Variants in MAD1L1 observed in about 807,000 individuals in gnomAD.
MAD1L1 encodes mitotic arrest deficient 1 like 1.
A neutral mutation model predicts 96.9 loss-of-function variants in MAD1L1; 95 were observed. The observed-to-expected ratio is 0.98, with a 90% CI of 0.83 to 1.16. MAD1L1 has a LOEUF of 1.16. Ranked by LOEUF, MAD1L1 falls within the 50% of genes most tolerant of loss-of-function variation. The probability of loss-of-function intolerance (pLI) is 0.00; values close to 1 mark genes in which losing one functional copy is unlikely to be tolerated. For missense variants in MAD1L1, 1,007 were observed against 954.4 expected, an observed-to-expected ratio of 1.06 and a Z score of -0.73; for synonymous variants, 473 against 396.6, an observed-to-expected ratio of 1.19 and a Z score of -2.29.
intron 17 of MAD1L1, among the ~76,000 whole-genome samples, chr7:1,921,215 G>A (rs926221935): frequency 5.9e-5 from 9 of 152,360 alleles, no homozygotes; most frequent in Non-Finnish European, 8.8e-5. Context: ...AGACACAGAC[G>A]CTGGAAAGCC....
At chr7:1,925,499 C>T (rs1384196567) in intron 17 of MAD1L1, among the ~76,000 whole-genome samples, 1 of 152,182 alleles carries the variant, frequency 6.6e-6, no homozygotes, top group Non-Finnish European at 1.5e-5. Context: ...TCCTGAGGCG[C>T]CATCACATGG....
chr7:1,922,174 C>T (rs903502762), intron 17 of MAD1L1, among the ~76,000 whole-genome samples: 1 of 152,232 alleles, frequency 6.6e-6, no homozygotes, highest in Non-Finnish European at 1.5e-5. Context: ...CTAGCATCAC[C>T]AGCCCAGCGG....
rs529006355 is a variant in MAD1L1 at position 2,146,713 on chromosome 7, G to A, written c.1073+2439C>T. On this transcript the variant is annotated intron_variant, in intron 11 of 18. Transcript: ENST00000265854. This position sits in a 1 kb window ranked among gnomAD's most constrained non-coding sequence, Gnocchi z 6.2. ...AGGCCCGCCTGGCAAAGCCCTCGGG[G>A]ATCTGGGCCACCGTGGCCTCCCATC... Among the ~76,000 whole-genome samples the A allele has an allele frequency of 2.2e-4, 33 of 152,316 alleles. No homozygotes were observed. Among genetic ancestry groups the A allele is most frequent in the Admixed American group, 9.1e-4 (14 of 15,308 alleles).
chr7:2,009,987 G>A (rs1306937400), intron 13 of MAD1L1, among the ~76,000 whole-genome samples: 1 of 151,664 alleles, frequency 6.6e-6, no homozygotes, highest in African/African-American at 2.4e-5. Context: ...TGGCCACACA[G>A]CAGAGGCTCC....
At position 2,006,955 on chromosome 7, in the gene MAD1L1, G is replaced by A. The variant is rs138197565; in HGVS notation, c.1360-4834C>T. ...AGTGGGATTCCTGCGAGGGAGGGCA[G>A]GCAGCTCAGAGCTCAGAGCCGCGGG... is the stretch of plus-strand genomic sequence containing the variant. On this transcript the variant is annotated intron_variant, in intron 13 of 18. Transcript: ENST00000265854. Among the ~76,000 whole-genome samples, 304 of 152,296 alleles carry A rather than the reference G, an allele frequency of 2.0e-3. 3 individuals are homozygous for A. Among genetic ancestry groups the A allele is most frequent in the African/African-American group, 7.1e-3 (296 of 41,560 alleles).
intron 18 of MAD1L1, among the ~76,000 whole-genome samples, chr7:1,821,621 G>A (rs1206996647): frequency 2.0e-5 from 3 of 152,192 alleles, no homozygotes; most frequent in Admixed American, 6.5e-5. Context: ...GTACAACGAC[G>A]GCTAGTTCAA....
At chr7:2,050,314 C>T (rs184312652) in intron 12 of MAD1L1, among the ~76,000 whole-genome samples, 1 of 152,356 alleles carries the variant, frequency 6.6e-6, no homozygotes, top group Admixed American at 6.5e-5. Context: ...AACCAGAGAC[C>T]AGGATGGAAC....
At chr7:1,906,879 G>A (rs1422412044) in intron 17 of MAD1L1, among the ~76,000 whole-genome samples, 6 of 152,214 alleles carry the variant, frequency 3.9e-5, no homozygotes, top group Non-Finnish European at 7.4e-5. Flanking sequence ...CACGCCTACT[G>A]CTGAACGTCC....
At chr7:1,961,013 C>T (rs1779929193) in intron 15 of MAD1L1, among the ~76,000 whole-genome samples, 1 of 152,150 alleles carries the variant, frequency 6.6e-6, no homozygotes, top group Non-Finnish European at 1.5e-5. Flanking sequence ...CAAAAGCATC[C>T]AACACCATGA....
In MAD1L1 at chr7:2,088,333, C is replaced by G. The variant is rs576501217; in HGVS notation, c.1074-18995G>C. Among the ~76,000 whole-genome samples the G allele has an allele frequency of 1.3e-5, 2 of 152,334 alleles. No homozygotes were observed. The highest frequency in any genetic ancestry group is 4.1e-4 in the South Asian group (2 of 4,830). On this transcript the variant is annotated intron_variant, in intron 11 of 18. Coordinates refer to ENST00000265854, the MANE Select transcript of MAD1L1 (RefSeq NM_001013836.2). This position sits in a 1 kb window ranked among gnomAD's most constrained non-coding sequence, Gnocchi z 4.4. ...CATCTGGTTACCAGCACGGTGGTCTCGTGCTACCCTGGTTCCGTGTCGGCG... is the reference window on the plus strand; with the variant it reads ...CATCTGGTTACCAGCACGGTGGTCTGGTGCTACCCTGGTTCCGTGTCGGCG...
chr7:1,866,790 C>T (rs1477672261), intron 18 of MAD1L1, among the ~76,000 whole-genome samples: 1 of 152,178 alleles, frequency 6.6e-6, no homozygotes, highest in Admixed American at 6.5e-5. Flanking sequence ...GAGGGTGTAC[C>T]ATGACTGGGG....
rs1254810866 is a variant in MAD1L1 at position 1,904,923 on chromosome 7, G to C, written c.1808-6533C>G. ...AAGGATGCAGTCGCCTATGGAAGACGTTCTTGTGGAACTCATGATTGATGA... is the reference window on the plus strand; with the variant it reads ...AAGGATGCAGTCGCCTATGGAAGACCTTCTTGTGGAACTCATGATTGATGA... On this transcript the variant is annotated intron_variant, in intron 17 of 18. Transcript: ENST00000265854. Among the ~76,000 whole-genome samples the C allele has an allele frequency of 2.2e-5, 2 of 91,086 alleles. 1 individual carries two copies. The highest frequency in any genetic ancestry group is 4.6e-5 in the Non-Finnish European group (2 of 43,862). 59.8% of individuals were successfully genotyped at this position (91,086 alleles called of 152,430 possible).
intron 12 of MAD1L1, among the ~76,000 whole-genome samples, chr7:2,045,644 T>C (rs1195200829): frequency 6.6e-6 from 1 of 151,402 alleles, no homozygotes; most frequent in Non-Finnish European, 1.5e-5. Context: ...CACCTGACGA[T>C]GCCCTGGAAA....
intron 14 of MAD1L1, among the ~76,000 whole-genome samples, chr7:1,993,732 G>C (rs1781443841): frequency 1.3e-5 from 2 of 152,192 alleles, no homozygotes; most frequent in South Asian, 4.1e-4. Context: ...TAAATCACCA[G>C]CATCTTCTCA....
chr7:1,858,903 G>C (rs961576041), intron 18 of MAD1L1, among the ~76,000 whole-genome samples: 1 of 152,200 alleles, frequency 6.6e-6, no homozygotes, highest in African/African-American at 2.4e-5. Flanking sequence ...GTCAGGGCAG[G>C]GGGCCCAGGT....
intron 11 of MAD1L1, chr7:2,089,258 C>T (rs1284391830): frequency 6.6e-6 from 1 of 152,286 alleles, no homozygotes; most frequent in East Asian, 1.9e-4. Context: ...AATTGCATCT[C>T]CCAGAATTCC....
intron 15 of MAD1L1, among the ~76,000 whole-genome samples, chr7:1,966,167 G>A (rs562275317): frequency 1.7e-4 from 26 of 152,390 alleles, no homozygotes; most frequent in African/African-American, 6.3e-4. Flanking sequence ...AACTGGGATG[G>A]GAACCGCGCC....
chr7:2,217,205 T>C (rs1584575267), intron 7 of MAD1L1, among the ~76,000 whole-genome samples: 1 of 152,286 alleles, frequency 6.6e-6, no homozygotes, highest in African/African-American at 2.4e-5. Context: ...CCCAGTCCCC[T>C]TGGGACACAG....
rs1481985309 is a variant in MAD1L1 at position 2,088,083 on chromosome 7, A to G, written c.1074-18745T>C. ...AGAAGAAGACTGGGACTCGGACCAC[A>G]CTGACTTCTCCCCTTTAAAAGTCTA... On this transcript the variant is annotated intron_variant, in intron 11 of 18. Coordinates refer to ENST00000265854, the MANE Select transcript of MAD1L1 (RefSeq NM_001013836.2). This position sits in a 1 kb window ranked among gnomAD's most constrained non-coding sequence, Gnocchi z 4.4. 3.3e-5 allele frequency among the ~76,000 whole-genome samples: 5 copies of G among 152,178 alleles called. No individual in the cohort carries two copies. Among genetic ancestry groups the G allele is most frequent in the African/African-American group, 1.2e-4 (5 of 41,438 alleles).
Sources: gnomAD v4.1 joint callset for allele counts (sites outside exome capture counted in the v4.1 genomes callset) on GRCh38, gnomAD v4.1.1 for gene constraint, Gnocchi (gnomAD v3.1) non-coding constraint, MANE v1.5 for transcripts, NCBI Gene and HGNC (gene_info 2026-07-23, HGNC 2026-07-21) for gene names.